The following PGBD2 variants were observed in gnomAD, a reference collection of about 807,000 sequenced individuals.
PGBD2 encodes the protein piggyBac transposable element derived 2.
In PGBD2, 6 loss-of-function variants were observed where a neutral mutation model predicts 8.1. The observed-to-expected ratio is 0.74, with a 90% CI of 0.40 to 1.46. The LOEUF is 1.46. Ranked by LOEUF, PGBD2 falls within the 40% of genes most tolerant of loss-of-function variation. The pLI is 0.02. For missense variants in PGBD2, 802 were observed against 739.0 expected, an observed-to-expected ratio of 1.09 and a Z score of -0.99; for synonymous variants, 318 against 272.2, an observed-to-expected ratio of 1.17 and a Z score of -1.66.
Position 248,917,678 on chromosome 1 carries a change from A to C in PGBD2, c.1094A>C (p.Lys365Thr). 6.2e-7 allele frequency: 1 copy of C among 1,614,224 alleles called. No homozygotes were observed. Among genetic ancestry groups the C allele is most frequent in the Non-Finnish European group, 8.5e-7 (1 of 1,180,032 alleles). Residue 365 changes from lysine to threonine, a missense_variant, in exon 3 of 3, where the codon AAA (lysine) becomes ACA (threonine). Coordinates refer to ENST00000329291, the MANE Select transcript of PGBD2 (RefSeq NM_170725.3). ...GTTAAACTGATGTCCATTTTGAGGA[A>C]AAAGGGGGTGAAAGCCACAGGAACT... ...TSVKLMSILR[K>T]KGVKATGTVR...
At chr1:248,883,018 A>C in the PGBD2 span, among the ~76,000 whole-genome samples, 1 of 152,156 alleles carries the variant, frequency 6.6e-6, no homozygotes, top group East Asian at 1.9e-4. Flanking sequence ...ATATTTGTCA[A>C]TTTGTATATA....
intron 1 of PGBD2, among the ~76,000 whole-genome samples, chr1:248,913,054 G>A (rs920289288): frequency 1.3e-4 from 20 of 151,938 alleles, no homozygotes; most frequent in Admixed American, 6.6e-5. Context: ...TGCCCGCCTC[G>A]GCCTCCCAAA....
At chr1:248,898,501 C>T in the PGBD2 span, among the ~76,000 whole-genome samples, 1 of 152,174 alleles carries the variant, frequency 6.6e-6, no homozygotes, top group Non-Finnish European at 1.5e-5. Context: ...TCATATCCAG[C>T]CACACTAAGC....
At chr1:248,913,973 C>A in intron 2 of PGBD2, 94 bp downstream of exon 2, 3 of 1,015,320 alleles carry the variant, frequency 3.0e-6, no homozygotes, top group Non-Finnish European at 4.7e-6. Context: ...CTCTTGGCCT[C>A]AGTATAACAG....
At chr1:248,898,475 T>C in the PGBD2 span, among the ~76,000 whole-genome samples, 3 of 152,164 alleles carry the variant, frequency 2.0e-5, no homozygotes, top group African/African-American at 7.2e-5. Flanking sequence ...AAGAAAAGAA[T>C]TTCAAACCCA....
downstream of PGBD2, among the ~76,000 whole-genome samples, chr1:248,921,794 G>C (rs1662292254): frequency 6.6e-6 from 1 of 152,088 alleles, no homozygotes; most frequent in Non-Finnish European, 1.5e-5. Context: ...ATTTGTTTGT[G>C]TCCTCTCTTA....
At chr1:248,916,542 C>G in intron 2 of PGBD2, 60 bp from the exon 3 acceptor site, 1 of 1,473,092 alleles carries the variant, frequency 6.8e-7, no homozygotes, top group African/African-American at 1.4e-5. Context: ...CTCCTCTTTT[C>G]TGCTGAAGCA....
Position 248,917,877 on chromosome 1 carries a change from G to A in PGBD2, c.1293G>A (p.Val431=). The change falls in exon 3 of 3, where the codon GTG becomes GTA. Residue 431 remains valine, a synonymous_variant. Transcript: ENST00000329291. ...ICSNAVGIEP[V]RLTSRHSGAA... ...CCAATGCTGTGGGCATAGAGCCAGT[G>A]AGGCTGACCAGTCGTCACTCTGGAG... 1 of 1,614,256 alleles carries A rather than the reference G, an allele frequency of 6.2e-7. No individual in the cohort carries two copies.
the PGBD2 span, among the ~76,000 whole-genome samples, chr1:248,927,395 T>A: frequency 6.6e-6 from 1 of 152,174 alleles, no homozygotes; most frequent in Non-Finnish European, 1.5e-5. Flanking sequence ...CTGTGTCGAT[T>A]GTGGTAGAGT....
the PGBD2 span, among the ~76,000 whole-genome samples, chr1:248,874,754 T>C: frequency 6.6e-6 from 1 of 152,172 alleles, no homozygotes; most frequent in South Asian, 2.1e-4. Context: ...CACCCCAGCA[T>C]CTATCTTTTC....
Position 248,917,975 on chromosome 1 carries a change from G to A in PGBD2, c.1391G>A (p.Gly464Asp), listed in dbSNP as rs1662176793. 2 of 1,614,114 alleles carry A rather than the reference G, an allele frequency of 1.2e-6. No homozygotes were observed. Among genetic ancestry groups the A allele is most frequent in the Non-Finnish European group, 1.7e-6 (2 of 1,180,044 alleles). ...TATCAGGAGAAGGTGGGTGGCGTTG[G>A]TAGGATGGATCAGAATATTGCCAAG... ...KLYQEKVGGV[G>D]RMDQNIAKYK... is the part of the protein sequence containing the mutation. The change falls in exon 3 of 3, where the codon GGT (glycine) becomes GAT (aspartate). Residue 464 changes from glycine to aspartate, a missense_variant. Transcript: ENST00000329291.
chr1:248,875,604 C>A, the PGBD2 span, among the ~76,000 whole-genome samples: 1 of 152,098 alleles, frequency 6.6e-6, no homozygotes, highest in Non-Finnish European at 1.5e-5. Context: ...CATTTAAGTT[C>A]TATCTTCTTA....
chr1:248,885,026 C>T, the PGBD2 span, among the ~76,000 whole-genome samples: 2 of 152,000 alleles, frequency 1.3e-5, no homozygotes, highest in Non-Finnish European at 2.9e-5. Context: ...TCCTACTTCC[C>T]ATCTCATAGT....
chr1:248,897,799 C>T, the PGBD2 span, among the ~76,000 whole-genome samples: 1 of 136,362 alleles, frequency 7.3e-6, no homozygotes, highest in African/African-American at 3.8e-5. Flanking sequence ...TCCCCATGGG[C>T]CAGTGGCAGC....
chr1:248,906,769 G>C (rs1017337860), intron 1 of PGBD2, among the ~76,000 whole-genome samples: 4 of 152,078 alleles, frequency 2.6e-5, no homozygotes, highest in African/African-American at 9.7e-5. Context: ...GGGCGCGCTG[G>C]GGGCGGGTCG....
At chr1:248,924,178 GA>G (rs1392646469), downstream of PGBD2, among the ~76,000 whole-genome samples, 1 of 152,210 alleles carries the variant, frequency 6.6e-6, no homozygotes, top group Non-Finnish European at 1.5e-5. Flanking sequence ...CGTCCATCCA[GA>G]AATCCATCTC....
chr1:248,912,006 T>C (rs1572275374), intron 1 of PGBD2, among the ~76,000 whole-genome samples: 1 of 152,250 alleles, frequency 6.6e-6, no homozygotes, highest in African/African-American at 2.4e-5. Context: ...ATAGAAAGTT[T>C]AATATCTTAA....
chr1:248,916,163 C>T (rs1055893982), intron 2 of PGBD2, among the ~76,000 whole-genome samples: 2 of 152,194 alleles, frequency 1.3e-5, no homozygotes, highest in Admixed American at 1.3e-4. Flanking sequence ...CCTGTAATCC[C>T]AGCACTTTGG....
At chr1:248,924,874 T>G (rs1339983644), downstream of PGBD2, among the ~76,000 whole-genome samples, 2 of 152,178 alleles carry the variant, frequency 1.3e-5, no homozygotes, top group African/African-American at 2.4e-5. Context: ...ACTCAGCAAG[T>G]GCCACACAAA....
Sources: allele counts gnomAD v4.1 joint callset (sites outside exome capture counted in the v4.1 genomes callset), GRCh38; gene constraint gnomAD v4.1.1; transcripts MANE v1.5; gene names NCBI Gene and HGNC (gene_info 2026-07-23, HGNC 2026-07-21).